ZNF407: variants seen among roughly 807,000 people sequenced by gnomAD.
ZNF407 encodes zinc finger protein 407.
In ZNF407, 17 loss-of-function variants were observed where a neutral mutation model predicts 131.2. The observed-to-expected ratio is 0.13, with a 90% confidence interval of 0.09 to 0.19. The LOEUF (loss-of-function observed/expected upper bound fraction) is 0.19, where lower values mean the gene tolerates loss of function less well. ZNF407 is among the 10% of genes least tolerant of loss of function. ZNF407 has a pLI of 1.00. For missense variants in ZNF407, 2,681 were observed against 2,830.6 expected (o/e 0.95, Z 1.20); for synonymous variants, 1,156 against 1,062.0 (o/e 1.09, Z -1.72).
chr18:74,644,836 A>T (rs1013103389), intron 3 of ZNF407, among the ~76,000 whole-genome samples: 4 of 151,806 alleles, frequency 2.6e-5, no homozygotes, highest in Admixed American at 2.6e-4. Flanking sequence ...ACTTTTTGTA[A>T]TATCTGTTTT....
chr18:74,686,797 T>C (rs1967106525), intron 3 of ZNF407, among the ~76,000 whole-genome samples: 1 of 152,208 alleles, frequency 6.6e-6, no homozygotes, highest in Non-Finnish European at 1.5e-5. Flanking sequence ...AAAGGTAAAT[T>C]TTTTCTTTAC....
intron 4 of ZNF407, among the ~76,000 whole-genome samples, chr18:74,854,157 C>T (rs1319921045): frequency 2.6e-5 from 4 of 152,204 alleles, no homozygotes; most frequent in East Asian, 1.9e-4. Flanking sequence ...ACAGGTGATA[C>T]GGGAGGCAGT....
intron 8 of ZNF407, among the ~76,000 whole-genome samples, chr18:74,941,879 C>T (rs1223322494): frequency 1.3e-5 from 2 of 152,144 alleles, no homozygotes; most frequent in Non-Finnish European, 2.9e-5. Context: ...TTCCAGGGCT[C>T]GAGTTATTTC....
chr18:74,793,610 T>G (rs905841520), intron 4 of ZNF407, among the ~76,000 whole-genome samples: 6 of 152,234 alleles, frequency 3.9e-5, no homozygotes, highest in Non-Finnish European at 8.8e-5. Context: ...TGTAATTTGT[T>G]AGAAAATTAT....
chr18:74,937,776 C>T (rs1972054957), intron 8 of ZNF407, among the ~76,000 whole-genome samples: 1 of 152,118 alleles, frequency 6.6e-6, no homozygotes, highest in Admixed American at 6.5e-5. Flanking sequence ...TTTTGATCAC[C>T]AGGCAGGGGA....
chr18:74,678,490 A>G (rs539859426), intron 3 of ZNF407, among the ~76,000 whole-genome samples: 16 of 152,306 alleles, frequency 1.1e-4, no homozygotes, highest in Admixed American at 9.8e-4. Context: ...GGTACCCATC[A>G]GCCTGCTGGC....
In ZNF407 at chr18:75,004,759, C is replaced by T. The variant is rs1055168353; in HGVS notation, c.5429-58391C>T. Among the ~76,000 whole-genome samples, 5 of 152,342 alleles carry T rather than the reference C, an allele frequency of 3.3e-5. No individual in the cohort carries two copies. In the East Asian group the frequency reaches 9.7e-4, roughly 29 times the overall value. On this transcript the variant is annotated intron_variant, in intron 8 of 8. Transcript: ENST00000299687. ...TTTTTCTTCAGCCGTCATCAACCAT[C>T]ATTTTTCAACCCTGTGTTTCTGTTT...
chr18:75,030,928 C>T (rs1018741432), intron 8 of ZNF407, among the ~76,000 whole-genome samples: 1 of 152,158 alleles, frequency 6.6e-6, no homozygotes, highest in African/African-American at 2.4e-5. Flanking sequence ...CTTTCTACAC[C>T]GAGTCCCACT....
At chr18:74,760,541 A>G (rs573716192) in intron 3 of ZNF407, among the ~76,000 whole-genome samples, 1 of 152,180 alleles carries the variant, frequency 6.6e-6, no homozygotes, top group Non-Finnish European at 1.5e-5. Context: ...TATGGTGGTA[A>G]ACAGTTGCTT....
intron 7 of ZNF407, among the ~76,000 whole-genome samples, chr18:74,914,737 G>C (rs1375567279): frequency 6.6e-6 from 1 of 152,148 alleles, no homozygotes; most frequent in Non-Finnish European, 1.5e-5. Context: ...TGACACCCAG[G>C]GGTGTTTCCT....
At chr18:74,691,957 G>A (rs1967233820) in intron 3 of ZNF407, among the ~76,000 whole-genome samples, 1 of 152,064 alleles carries the variant, frequency 6.6e-6, no homozygotes, top group Non-Finnish European at 1.5e-5. Flanking sequence ...AGCCAGGTGT[G>A]GTGGTGCATA....
At chr18:74,829,649 T>A (rs1970455405) in intron 4 of ZNF407, among the ~76,000 whole-genome samples, 1 of 152,174 alleles carries the variant, frequency 6.6e-6, no homozygotes, top group Non-Finnish European at 1.5e-5. Flanking sequence ...AGAATGAGGC[T>A]TGCTACCAAG....
chr18:74,886,703 T>G (rs1971314923), intron 6 of ZNF407, among the ~76,000 whole-genome samples: 1 of 152,170 alleles, frequency 6.6e-6, no homozygotes, highest in Admixed American at 6.5e-5. Context: ...TGCTAACTAA[T>G]ATAATAGTGA....
intron 3 of ZNF407, among the ~76,000 whole-genome samples, chr18:74,668,552 G>T (rs1986019905): frequency 6.6e-6 from 1 of 152,088 alleles, no homozygotes; most frequent in African/African-American, 2.4e-5. Flanking sequence ...TTCCAAAATG[G>T]CTTTTCTGCT....
At chr18:74,983,836 C>T (rs78395546) in intron 8 of ZNF407, among the ~76,000 whole-genome samples, 2,421 of 152,270 alleles carry the variant, frequency 0.016, 74 homozygotes, top group African/African-American at 0.054. Context: ...GTCCCACACC[C>T]GTCATGGCTC....
intron 3 of ZNF407, among the ~76,000 whole-genome samples, chr18:74,680,053 A>G (rs1407824014): frequency 1.3e-5 from 2 of 152,316 alleles, no homozygotes; most frequent in African/African-American, 4.8e-5. Context: ...CAGACAAACC[A>G]TTCAGCATAC....
At chr18:74,749,573 T>A (rs1411546556) in intron 3 of ZNF407, among the ~76,000 whole-genome samples, 1 of 152,042 alleles carries the variant, frequency 6.6e-6, no homozygotes, top group Non-Finnish European at 1.5e-5. Context: ...AAAACTGCAG[T>A]GAAAGAAAAA....
intron 3 of ZNF407, among the ~76,000 whole-genome samples, chr18:74,728,896 C>A (rs1968224687): frequency 6.6e-6 from 1 of 152,132 alleles, no homozygotes; most frequent in Non-Finnish European, 1.5e-5. Flanking sequence ...TAAACACTAG[C>A]CAGCAGTATT....
intron 8 of ZNF407, among the ~76,000 whole-genome samples, chr18:74,925,829 A>C (rs759342636): frequency 1.3e-5 from 2 of 152,064 alleles, no homozygotes; most frequent in Non-Finnish European, 2.9e-5. Context: ...ATGCTGACTC[A>C]CTCCTATTAA....
Sources: gnomAD v4.1 joint callset for allele counts (sites outside exome capture counted in the v4.1 genomes callset) on GRCh38, gnomAD v4.1.1 for gene constraint, MANE v1.5 for transcripts, NCBI Gene and HGNC (gene_info 2026-07-23, HGNC 2026-07-21) for gene names.